The following C1orf87 variants were observed in gnomAD, a reference collection of about 807,000 sequenced individuals.
The protein encoded by C1orf87 is uncharacterized protein C1orf87.
A neutral mutation model predicts 60.5 loss-of-function variants in C1orf87; 58 were observed. The observed-to-expected ratio is 0.96, with a 90% confidence interval of 0.78 to 1.19. The LOEUF (loss-of-function observed/expected upper bound fraction) is 1.19. C1orf87 is among the 50% of genes most tolerant of loss of function. The pLI, the probability that C1orf87 is intolerant of heterozygous loss-of-function variation, is 0.00. For synonymous variants in C1orf87, 236 were observed against 227.4 expected (o/e 1.04, Z -0.34); for missense variants, 673 against 638.6 (o/e 1.05, Z -0.58).
At chr1:60,071,362 A>C (rs72669629) in intron 2 of C1orf87, among the ~76,000 whole-genome samples, 19,464 of 152,222 alleles carry the variant, frequency 0.13, 1,580 homozygotes, top group Middle Eastern at 0.24. Context: ...ATATATGTAG[A>C]ATCTAAGGCC....
At chr1:60,046,233 CCCTT>C (rs923527461) in intron 3 of C1orf87, among the ~76,000 whole-genome samples, 177 of 137,666 alleles carry the variant, frequency 1.3e-3, no homozygotes, top group Middle Eastern at 0.012. Flanking sequence ...CCTCCCCCTC[CCCTT>C]CCTTCCTTCC....
At chr1:60,014,289 G>C (rs1645110383) in intron 8 of C1orf87, among the ~76,000 whole-genome samples, 1 of 152,124 alleles carries the variant, frequency 6.6e-6, no homozygotes, top group Non-Finnish European at 1.5e-5. Flanking sequence ...GTGGTGAAGG[G>C]ATAGAGTATT....
chr1:60,003,526 G>C (rs541722216), intron 9 of C1orf87, among the ~76,000 whole-genome samples: 1 of 152,012 alleles, frequency 6.6e-6, no homozygotes, highest in Non-Finnish European at 1.5e-5. Context: ...GAAACACAGC[G>C]ACTGTTCAGT....
At chr1:60,009,344 C>A (rs964959155) in intron 9 of C1orf87, among the ~76,000 whole-genome samples, 1 of 51,624 alleles carries the variant, frequency 1.9e-5, no homozygotes, top group Admixed American at 1.5e-4. Flanking sequence ...AAGAACTCTT[C>A]TCTAGAGTGT....
chr1:60,041,064 T>C lies in C1orf87; in HGVS notation c.410A>G (p.His137Arg), dbSNP rs1165950980. ...TCTAAGCTTTCTCCTGGGAATGCCA[T>C]GCACATAGGATAAGGACTGGTCTCC... ...PTGDQSLSYVHGIPRRKLRDW... is the reference protein window; with the variant it reads ...PTGDQSLSYVRGIPRRKLRDW... The change falls in exon 4 of 12, where the codon CAT becomes CGT. Residue 137 changes from histidine (H) to arginine (R), a missense_variant. His to Arg is a conservative substitution (Grantham distance 29). Transcript: ENST00000371201. 6 of 1,613,376 alleles carry C rather than the reference T, an allele frequency of 3.7e-6. No homozygotes were observed. The highest frequency in any genetic ancestry group is 3.3e-5 in the South Asian group (3 of 91,004).
intron 2 of C1orf87, among the ~76,000 whole-genome samples, chr1:60,056,195 G>C (rs955389948): frequency 6.6e-6 from 1 of 152,006 alleles, no homozygotes; most frequent in Non-Finnish European, 1.5e-5. Context: ...AGTGAGCCGA[G>C]ATCGCACCAC....
At position 60,072,661 on chromosome 1, in the gene C1orf87, C is replaced by T; in HGVS notation, c.-18G>A. 4 of 1,555,934 alleles carry T rather than the reference C, an allele frequency of 2.6e-6. No homozygotes were observed. The highest frequency in any genetic ancestry group is 3.5e-6 in the Non-Finnish European group (4 of 1,136,050). ...GAAGACATGATTCCTTTCAAAATCC[C>T]TTCAGATCCCTAGGGGTGAAAATAA... On this transcript the variant is annotated 5_prime_UTR_variant, in exon 2 of 12. Coordinates refer to ENST00000371201, the MANE Select transcript of C1orf87 (RefSeq NM_152377.3).
intron 8 of C1orf87, among the ~76,000 whole-genome samples, chr1:60,011,443 C>T (rs1645084536): frequency 1.3e-5 from 2 of 151,754 alleles, no homozygotes; most frequent in African/African-American, 4.8e-5. Flanking sequence ...CTTCTTCCCT[C>T]CCTCACTTCT....
intron 2 of C1orf87, among the ~76,000 whole-genome samples, chr1:60,071,073 G>A (rs565190679): frequency 2.6e-5 from 4 of 152,084 alleles, no homozygotes; most frequent in South Asian, 2.1e-4. Context: ...CAAAATAATC[G>A]CTTACCATAT....
chr1:60,022,123 T>G (rs1431572937), intron 8 of C1orf87, among the ~76,000 whole-genome samples: 1 of 151,442 alleles, frequency 6.6e-6, no homozygotes, highest in Non-Finnish European at 1.5e-5. Context: ...TTTTTTTTTT[T>G]TTTTGCCTTC....
At chr1:60,033,450 C>A in intron 7 of C1orf87, 26 bp downstream of exon 7, 3 of 1,605,946 alleles carry the variant, frequency 1.9e-6, no homozygotes, top group Non-Finnish European at 1.7e-6. Context: ...TACAGAGGAA[C>A]AAATCTGAAA....
intron 3 of C1orf87, among the ~76,000 whole-genome samples, chr1:60,048,799 C>G (rs1645391846): frequency 6.6e-6 from 1 of 151,744 alleles, no homozygotes; most frequent in South Asian, 2.1e-4. Context: ...TAGATAGATA[C>G]CTGGTAGAAT....
intron 7 of C1orf87, among the ~76,000 whole-genome samples, chr1:60,031,749 T>C (rs915399627): frequency 6.6e-6 from 1 of 152,190 alleles, no homozygotes; most frequent in Non-Finnish European, 1.5e-5. Flanking sequence ...TATATTTTGA[T>C]TTTCAAGTTG....
chr1:60,051,079 A>G (rs1423108083), intron 3 of C1orf87, among the ~76,000 whole-genome samples: 1 of 152,214 alleles, frequency 6.6e-6, no homozygotes, highest in African/African-American at 2.4e-5. Flanking sequence ...AAAGAATAGC[A>G]TGGGCAAAGG....
chr1:60,043,863 A>G (rs892722992), intron 3 of C1orf87, among the ~76,000 whole-genome samples: 1 of 152,152 alleles, frequency 6.6e-6, no homozygotes, highest in Non-Finnish European at 1.5e-5. Context: ...TTATCATTCC[A>G]TGAGTCAAGG....
At chr1:60,056,924 T>A (rs571098521) in intron 2 of C1orf87, among the ~76,000 whole-genome samples, 157 of 152,288 alleles carry the variant, frequency 1.0e-3, no homozygotes, top group African/African-American at 3.7e-3. Flanking sequence ...AAATAATACT[T>A]GTTGAACTCC....
intron 9 of C1orf87, among the ~76,000 whole-genome samples, chr1:60,001,505 A>G (rs1645004445): frequency 6.6e-6 from 1 of 152,074 alleles, no homozygotes; most frequent in African/African-American, 2.4e-5. Flanking sequence ...AGTGACACAA[A>G]TTCGCAACCT....
chr1:60,036,476 T>TA (rs1249266469), intron 6 of C1orf87, among the ~76,000 whole-genome samples: 3 of 152,198 alleles, frequency 2.0e-5, no homozygotes, highest in Non-Finnish European at 4.4e-5. Context: ...GAAGAATAGT[T>TA]AAAAATAATA....
chr1:60,040,200 CA>C lies in C1orf87; in HGVS notation c.484-21del. 1 of 1,602,314 alleles carries C rather than the reference CA, an allele frequency of 6.2e-7. No individual in the cohort carries two copies. Among genetic ancestry groups the C allele is most frequent in the Non-Finnish European group, 8.5e-7 (1 of 1,176,064 alleles). ...AATATCCTAACACAACAATGAAAAA[CA>C]AAGAGCAAGACTCTTCAATCAGCCG... On this transcript the variant is annotated intron_variant, in intron 4 of 11. Coordinates refer to ENST00000371201, the MANE Select transcript of C1orf87 (RefSeq NM_152377.3).
Sources: gnomAD v4.1 joint callset for allele counts (sites outside exome capture counted in the v4.1 genomes callset) on GRCh38, gnomAD v4.1.1 for gene constraint, MANE v1.5 for transcripts, NCBI Gene and HGNC (gene_info 2026-07-23, HGNC 2026-07-21) for gene names.